The following COX7B2 variants were observed in gnomAD, a reference collection of about 807,000 sequenced individuals.
COX7B2 encodes cytochrome c oxidase subunit 7B2.
For synonymous variants in COX7B2, 37 were observed against 32.1 expected, an observed-to-expected ratio of 1.15 and a Z score of -0.51; for missense variants, 109 against 95.9, an observed-to-expected ratio of 1.14 and a Z score of -0.57.
chr4:46,847,132 T>G (rs978404761), intron 1 of COX7B2, among the ~76,000 whole-genome samples: 8 of 152,108 alleles, frequency 5.3e-5, no homozygotes, highest in African/African-American at 1.7e-4. Context: ...GAACTAGCCC[T>G]CAAGTGGACA....
chr4:46,766,706 G>GAAAAAAAAAAAAAAAAAAAAA (rs57884969), intron 2 of COX7B2, among the ~76,000 whole-genome samples: 1 of 96,588 alleles, frequency 1.0e-5, no homozygotes, highest in Non-Finnish European at 2.2e-5. Context: ...GTCTCGAAAA[G>GAAAAAAAAAAAAAAAAAAAAA]AAAAAAAAAA....
At chr4:46,907,776 G>A (rs1720483228) in intron 1 of COX7B2, among the ~76,000 whole-genome samples, 1 of 147,546 alleles carries the variant, frequency 6.8e-6, no homozygotes, top group African/African-American at 2.5e-5. Context: ...TCCAAGACTT[G>A]TCACACCAAA....
intron 2 of COX7B2, among the ~76,000 whole-genome samples, chr4:46,822,115 G>A (rs887309959): frequency 6.6e-6 from 1 of 152,160 alleles, no homozygotes; most frequent in African/African-American, 2.4e-5. Flanking sequence ...GTTTCACCAT[G>A]TTGGCCAGGA....
At chr4:46,887,643 G>A (rs1379300681) in intron 1 of COX7B2, among the ~76,000 whole-genome samples, 8 of 150,752 alleles carry the variant, frequency 5.3e-5, no homozygotes, top group East Asian at 3.9e-4. Flanking sequence ...CCCGGAAGGC[G>A]GAGCTTGCAG....
chr4:46,804,166 C>T lies in COX7B2; in HGVS notation c.-50+40794G>A, dbSNP rs761280614. Among the ~76,000 whole-genome samples, 87 of 152,136 alleles carry T rather than the reference C, an allele frequency of 5.7e-4. 1 individual carries two copies. Among genetic ancestry groups the T allele is most frequent in the East Asian group, 2.3e-3 (12 of 5,164 alleles). Reference sequence around the variant, plus strand: ...GAGTTGTTGTTCCTCGCGGTGGGTTCGTGGTCTCACTAGCTTCAAGAGTGA... The same window carrying T: ...GAGTTGTTGTTCCTCGCGGTGGGTTTGTGGTCTCACTAGCTTCAAGAGTGA... On this transcript the variant is annotated intron_variant, in intron 2 of 2. Transcript: ENST00000355591.
chr4:46,811,442 T>A (rs190164548), intron 2 of COX7B2, among the ~76,000 whole-genome samples: 12 of 152,056 alleles, frequency 7.9e-5, no homozygotes, highest in South Asian at 2.1e-4. Flanking sequence ...CCATATATAT[T>A]TTTTTTATTT....
chr4:46,739,039 C>G (rs1436635162), intron 2 of COX7B2, among the ~76,000 whole-genome samples: 5 of 151,872 alleles, frequency 3.3e-5, no homozygotes, highest in Non-Finnish European at 7.4e-5. Context: ...TCACTGGTAA[C>G]GATAATAATT....
chr4:46,836,347 T>A (rs1488713373), intron 2 of COX7B2, among the ~76,000 whole-genome samples: 1 of 151,858 alleles, frequency 6.6e-6, no homozygotes, highest in Non-Finnish European at 1.5e-5. Flanking sequence ...TTTCTCTATT[T>A]AAAAAATTTT....
Position 46,741,128 on chromosome 4 carries a change from A to G in COX7B2, c.-49-5887T>C, listed in dbSNP as rs150083522. On this transcript the variant is annotated intron_variant, in intron 2 of 2. Coordinates refer to ENST00000355591, the MANE Select transcript of COX7B2 (RefSeq NM_130902.3). ...CCCAACATGGACCAACAAATGACCC[A>G]CTTAGCTTCGATATAGGCTTTTTAT... Among the ~76,000 whole-genome samples the G allele has an allele frequency of 1.9e-3, 282 of 152,226 alleles. 1 individual carries two copies. Among genetic ancestry groups the G allele is most frequent in the African/African-American group, 6.3e-3 (263 of 41,560 alleles).
chr4:46,793,712 C>G (rs942272067), intron 2 of COX7B2, among the ~76,000 whole-genome samples: 12 of 152,192 alleles, frequency 7.9e-5, no homozygotes, highest in Non-Finnish European at 1.8e-4. Context: ...AACAGAGAAT[C>G]TCATCCTGTG....
chr4:46,762,450 T>C (rs979582741), intron 2 of COX7B2, among the ~76,000 whole-genome samples: 1 of 137,612 alleles, frequency 7.3e-6, no homozygotes, highest in African/African-American at 2.7e-5. Flanking sequence ...TGTATATATA[T>C]ACTATATATA....
At chr4:46,802,326 G>A (rs776214071) in intron 2 of COX7B2, among the ~76,000 whole-genome samples, 12 of 152,212 alleles carry the variant, frequency 7.9e-5, no homozygotes, top group East Asian at 1.9e-4. Flanking sequence ...GGAAATATAC[G>A]GAACTAAACA....
chr4:46,888,231 T>C (rs865791737), intron 1 of COX7B2, among the ~76,000 whole-genome samples: 3 of 152,286 alleles, frequency 2.0e-5, no homozygotes, highest in Middle Eastern at 3.4e-3. Context: ...CTTCAGGTAA[T>C]AGATGGTGCA....
chr4:46,888,450 T>C (rs994349741), intron 1 of COX7B2, among the ~76,000 whole-genome samples: 2 of 152,046 alleles, frequency 1.3e-5, no homozygotes, highest in African/African-American at 4.8e-5. Context: ...CCTTTTTTTT[T>C]TTCTTTTTTT....
rs375130308 is a variant in COX7B2, at chr4:46,838,127, A to G, written c.-50+6833T>C. Among the ~76,000 whole-genome samples, 17 of 152,142 alleles carry G rather than the reference A, an allele frequency of 1.1e-4. No homozygotes were observed. In the East Asian group the frequency reaches 1.7e-3, roughly 16 times the overall value. On this transcript the variant is annotated intron_variant, in intron 2 of 2. Transcript: ENST00000355591. The stretch of plus-strand genomic sequence containing the variant: ...TCAAAAAATTTGTGGGTTAATTTGT[A>G]CATTCTTTATCAGCATCAAATTATC...
At position 46,793,179 on chromosome 4, in the gene COX7B2, A is replaced by G. The variant is rs183846226; in HGVS notation, c.-50+51781T>C. 1.2e-3 allele frequency among the ~76,000 whole-genome samples: 186 copies of G among 152,204 alleles called. 1 individual carries two copies. The highest frequency in any genetic ancestry group is 4.2e-3 in the African/African-American group (176 of 41,532). ...TCAGAAGTTTGGAATGTTCCTGTTT[A>G]CGGGAGAAGTTTTATGGTGGGGTTG... is the stretch of plus-strand genomic sequence containing the variant. On this transcript the variant is annotated intron_variant, in intron 2 of 2. Transcript: ENST00000355591.
At chr4:46,793,941 G>GTGGT (rs1236274234) in intron 2 of COX7B2, among the ~76,000 whole-genome samples, 3 of 152,128 alleles carry the variant, frequency 2.0e-5, no homozygotes, top group African/African-American at 7.2e-5. Context: ...TACATTCATA[G>GTGGT]TGGTATTGGT....
chr4:46,738,888 AAGGG>A (rs1714533344), intron 2 of COX7B2, among the ~76,000 whole-genome samples: 1 of 152,066 alleles, frequency 6.6e-6, no homozygotes. Flanking sequence ...TAAATGGTTA[AAGGG>A]AGTGAAGTAT....
chr4:46,865,927 A>G (rs906089914), intron 1 of COX7B2, among the ~76,000 whole-genome samples: 1 of 152,052 alleles, frequency 6.6e-6, no homozygotes, highest in Non-Finnish European at 1.5e-5. Context: ...ATTCTCCCCC[A>G]CTTAACAGAT....
Sources: gnomAD v4.1 joint callset for allele counts (sites outside exome capture counted in the v4.1 genomes callset) on GRCh38, gnomAD v4.1.1 for gene constraint, MANE v1.5 for transcripts, NCBI Gene and HGNC (gene_info 2026-07-23, HGNC 2026-07-21) for gene names.